The following ADARB2 variants were observed in gnomAD, a reference collection of about 807,000 sequenced individuals.
The protein encoded by ADARB2 is adenosine deaminase RNA specific B2 (inactive).
Under a neutral mutation model 62.2 loss-of-function variants are expected in ADARB2, and 25 were observed. That is an observed-to-expected ratio of 0.40 (90% CI 0.29 to 0.56). The LOEUF (loss-of-function observed/expected upper bound fraction) is 0.56, where lower values mean the gene tolerates loss of function less well. ADARB2 is among the 20% of genes least tolerant of loss of function. The probability of loss-of-function intolerance (pLI) is 0.43; values close to 1 mark genes in which losing one functional copy is unlikely to be tolerated. For synonymous variants in ADARB2, 572 were observed against 500.8 expected (o/e 1.14, Z -1.90); for missense variants, 1,071 against 1,077.4 (o/e 0.99, Z 0.08).
At chr10:1,224,366 C>A (rs1830726065) in intron 6 of ADARB2, among the ~76,000 whole-genome samples, 1 of 151,752 alleles carries the variant, frequency 6.6e-6, no homozygotes, top group Non-Finnish European at 1.5e-5. Flanking sequence ...TTGATCTTTT[C>A]AAAAAAACAG....
At chr10:1,475,111 C>A (rs764433277) in intron 1 of ADARB2, among the ~76,000 whole-genome samples, 1 of 152,136 alleles carries the variant, frequency 6.6e-6, no homozygotes, top group Non-Finnish European at 1.5e-5. Context: ...GAAATCAACG[C>A]GGCGTCGTCA....
intron 1 of ADARB2, among the ~76,000 whole-genome samples, chr10:1,452,619 G>GGGT (rs1554764267): frequency 4.0e-5 from 6 of 148,484 alleles, no homozygotes; most frequent in African/African-American, 1.5e-4. Context: ...ACGGGGGTTG[G>GGGT]GGGGGGGAAT....
At chr10:1,416,420 C>T (rs1832802134) in intron 1 of ADARB2, among the ~76,000 whole-genome samples, 2 of 152,208 alleles carry the variant, frequency 1.3e-5, no homozygotes, top group Admixed American at 1.3e-4. Flanking sequence ...ATAGCTGGTT[C>T]CTCCTCTAAC....
At chr10:1,362,119 C>G (rs11250460) in intron 3 of ADARB2, among the ~76,000 whole-genome samples, 2 of 152,084 alleles carry the variant, frequency 1.3e-5, no homozygotes, top group African/African-American at 4.8e-5. Context: ...AACATAAGGC[C>G]GGTGCACACT....
At chr10:1,332,322 G>T (rs942419496) in intron 3 of ADARB2, among the ~76,000 whole-genome samples, 1 of 151,970 alleles carries the variant, frequency 6.6e-6, no homozygotes, top group Non-Finnish European at 1.5e-5. Context: ...GGACAGAAGT[G>T]GGAGGTTTGC....
intron 1 of ADARB2, among the ~76,000 whole-genome samples, chr10:1,589,586 G>A (rs1351146081): frequency 6.6e-6 from 1 of 152,228 alleles, no homozygotes; most frequent in African/African-American, 2.4e-5. Flanking sequence ...TTTGGCCTAT[G>A]CTTGTCCATG....
intron 2 of ADARB2, among the ~76,000 whole-genome samples, chr10:1,375,767 C>G (rs547839687): frequency 6.6e-6 from 1 of 151,108 alleles, no homozygotes; most frequent in African/African-American, 2.4e-5. Context: ...CATGCACACA[C>G]GCACACATGT....
rs549259124 is a variant in ADARB2 at position 1,580,485 on chromosome 10, A to G, written c.100+156566T>C. 4.0e-5 allele frequency among the ~76,000 whole-genome samples: 6 copies of G among 150,076 alleles called. No individual in the cohort carries two copies. The South Asian group carries it at 1.3e-3, about 32-fold the overall frequency. On this transcript the variant is annotated intron_variant, in intron 1 of 9. Coordinates refer to ENST00000381312, the MANE Select transcript of ADARB2 (RefSeq NM_018702.4). The stretch of plus-strand genomic sequence containing the variant: ...TTCACGGGTCTTTCTTTCTGAGATG[A>G]GAAAATTTGTCTTAAGGCTTTTTTT...
chr10:1,703,535 T>C (rs1173210381), intron 1 of ADARB2, among the ~76,000 whole-genome samples: 1 of 152,150 alleles, frequency 6.6e-6, no homozygotes, highest in East Asian at 1.9e-4. Context: ...CAGGAGACGA[T>C]GCAAGAACTG....
intron 1 of ADARB2, among the ~76,000 whole-genome samples, chr10:1,582,678 G>A (rs533810740): frequency 4.6e-5 from 7 of 152,304 alleles, no homozygotes; most frequent in African/African-American, 1.2e-4. Context: ...GCTGGTGTCT[G>A]TGGCTCGACC....
intron 1 of ADARB2, among the ~76,000 whole-genome samples, chr10:1,627,361 C>T (rs1833783871): frequency 6.6e-6 from 1 of 152,152 alleles, no homozygotes; most frequent in Admixed American, 6.5e-5. Flanking sequence ...AAATTCTCCT[C>T]CATTCTTTCT....
At chr10:1,556,755 C>T in intron 1 of ADARB2, 1 of 534,472 alleles carries the variant, frequency 1.9e-6, no homozygotes, top group Non-Finnish European at 3.8e-6. Flanking sequence ...GCCAGCCGGC[C>T]CCCAGGAAGA....
intron 1 of ADARB2, among the ~76,000 whole-genome samples, chr10:1,609,818 G>A (rs988021001): frequency 5.9e-5 from 9 of 152,204 alleles, no homozygotes; most frequent in Non-Finnish European, 1.2e-4. Flanking sequence ...ACCACGCGTA[G>A]CGTTAGCAAA....
At position 1,325,085 on chromosome 10, in the gene ADARB2, C is replaced by T. The variant is rs560104456; in HGVS notation, c.1077+37943G>A. Among the ~76,000 whole-genome samples the T allele has an allele frequency of 7.9e-5, 12 of 152,304 alleles. No homozygotes were observed. In the South Asian group the frequency reaches 1.9e-3, roughly 24 times the overall value. ...CACTCACACGAAGTTCTGGGCCTCA[C>T]GCCAAACCTACAAATCTGTACTCTT... On this transcript the variant is annotated intron_variant, in intron 3 of 9. Transcript: ENST00000381312.
At chr10:1,645,213 C>T (rs150424200) in intron 1 of ADARB2, among the ~76,000 whole-genome samples, 35 of 152,332 alleles carry the variant, frequency 2.3e-4, no homozygotes, top group African/African-American at 6.0e-4. Context: ...GCCAATAGCA[C>T]GATTCGCTCC....
At chr10:1,308,702 C>G (rs1047508150) in intron 3 of ADARB2, among the ~76,000 whole-genome samples, 1 of 152,188 alleles carries the variant, frequency 6.6e-6, no homozygotes, top group Non-Finnish European at 1.5e-5. Context: ...GGTATCTTAG[C>G]ATTGCTTTAA....
Position 1,426,661 on chromosome 10 carries a change from C to A in ADARB2, c.101-47501G>T, listed in dbSNP as rs1344646631. ...AGGAGCGTGAATGGATGGAGCTGAGCTTCTGAGACTCGGAGACCAGTGAAC... is the reference window on the plus strand; with the variant it reads ...AGGAGCGTGAATGGATGGAGCTGAGATTCTGAGACTCGGAGACCAGTGAAC... On this transcript the variant is annotated intron_variant, in intron 1 of 9. Transcript: ENST00000381312. The surrounding 1 kb of genome is among the most constrained non-coding windows in gnomAD (Gnocchi z 4.1). Among the ~76,000 whole-genome samples the A allele has an allele frequency of 6.6e-6, 1 of 152,126 alleles. No individual in the cohort carries two copies. The highest frequency in any genetic ancestry group is 1.5e-5 in the Non-Finnish European group (1 of 68,032).
intron 1 of ADARB2, among the ~76,000 whole-genome samples, chr10:1,553,986 G>A (rs1046651803): frequency 5.9e-5 from 9 of 152,208 alleles, no homozygotes; most frequent in Non-Finnish European, 1.2e-4. Flanking sequence ...GGCTGGTGGA[G>A]GCTGTGCAGG....
chr10:1,260,410 C>CT, intron 4 of ADARB2, among the ~76,000 whole-genome samples: 1 of 151,710 alleles, frequency 6.6e-6, no homozygotes. Flanking sequence ...ACCCCATTGT[C>CT]TCAGCCCAAA....
Sources: gnomAD v4.1 joint callset for allele counts (sites outside exome capture counted in the v4.1 genomes callset) on GRCh38, gnomAD v4.1.1 for gene constraint, Gnocchi (gnomAD v3.1) non-coding constraint, MANE v1.5 for transcripts, NCBI Gene and HGNC (gene_info 2026-07-23, HGNC 2026-07-21) for gene names.